ZFAND3: variants seen among roughly 807,000 people sequenced by gnomAD.
ZFAND3 encodes AN1-type zinc finger protein 3.
Under a neutral mutation model 29.6 loss-of-function variants are expected in ZFAND3, and 10 were observed. The ratio of observed to expected loss-of-function variants is 0.34; its 90% CI spans 0.21 to 0.57. ZFAND3 has a LOEUF of 0.57. Ranked by LOEUF, ZFAND3 falls within the 20% of genes least tolerant of loss-of-function variation. ZFAND3 has a pLI of 0.86. For synonymous variants in ZFAND3, 128 were observed against 112.6 expected, an observed-to-expected ratio of 1.14 and a Z score of -0.87; for missense variants, 230 against 304.5, an observed-to-expected ratio of 0.76 and a Z score of 1.82.
chr6:37,895,631 T>A (rs1040670012), intron 1 of ZFAND3, among the ~76,000 whole-genome samples: 2 of 152,078 alleles, frequency 1.3e-5, no homozygotes, highest in African/African-American at 4.8e-5. Flanking sequence ...GGATCACTTT[T>A]GATTGAGTTG....
chr6:37,854,320 T>G (rs769150443), intron 1 of ZFAND3, among the ~76,000 whole-genome samples: 1 of 152,158 alleles, frequency 6.6e-6, no homozygotes, highest in Non-Finnish European at 1.5e-5. Flanking sequence ...GATAAAACAT[T>G]TTCATGAATG....
chr6:37,977,416 G>A (rs1249211778), intron 2 of ZFAND3, among the ~76,000 whole-genome samples: 2 of 152,004 alleles, frequency 1.3e-5, no homozygotes, highest in Admixed American at 6.6e-5. Context: ...ATTCTCGTGC[G>A]TTAGCCTCCC....
chr6:37,951,119 T>C (rs1386291330), intron 2 of ZFAND3, among the ~76,000 whole-genome samples: 2 of 152,202 alleles, frequency 1.3e-5, no homozygotes, highest in Non-Finnish European at 2.9e-5. Context: ...GTTTTATTTT[T>C]ATTTTTTTGT....
intron 5 of ZFAND3, among the ~76,000 whole-genome samples, chr6:38,130,729 GATTTT>G (rs1418298274): frequency 1.3e-5 from 2 of 152,124 alleles, no homozygotes; most frequent in Non-Finnish European, 2.9e-5. Context: ...TTTTGTTAAG[GATTTT>G]AGCATATATG....
intron 2 of ZFAND3, among the ~76,000 whole-genome samples, chr6:38,042,353 C>T (rs1198993568): frequency 3.7e-5 from 5 of 133,646 alleles, no homozygotes; most frequent in Admixed American, 8.4e-5. Context: ...TCGCTCTTGT[C>T]ACTCAGGCTG....
chr6:37,846,903 G>A (rs1428664055), intron 1 of ZFAND3, among the ~76,000 whole-genome samples: 1 of 151,744 alleles, frequency 6.6e-6, no homozygotes, highest in African/African-American at 2.4e-5. Flanking sequence ...AATAGAGATG[G>A]GGTTTCACCA....
intron 2 of ZFAND3, among the ~76,000 whole-genome samples, chr6:38,019,871 G>A (rs780358175): frequency 2.0e-5 from 3 of 152,156 alleles, no homozygotes; most frequent in Non-Finnish European, 2.9e-5. Context: ...ACCGGCACAT[G>A]CCACCACACC....
intron 2 of ZFAND3, among the ~76,000 whole-genome samples, chr6:38,044,408 G>A (rs1479918188): frequency 1.3e-5 from 2 of 151,666 alleles, no homozygotes; most frequent in East Asian, 1.9e-4. Flanking sequence ...GCAGGGTAAC[G>A]TTTTTAGTTT....
intron 2 of ZFAND3, among the ~76,000 whole-genome samples, chr6:38,046,800 G>A (rs1726495391): frequency 6.6e-6 from 1 of 152,128 alleles, no homozygotes; most frequent in African/African-American, 2.4e-5. Context: ...AAATACAGTT[G>A]TTTCAGACAA....
chr6:38,116,857 A>G lies in ZFAND3; in HGVS notation c.529+118A>G, dbSNP rs1455643198. Reference sequence around the variant, plus strand: ...CTTCTGAGTACTGTAAGTTTGCTACAGTAGTGCATGCGATATAGGTTTGGG... The same window carrying G: ...CTTCTGAGTACTGTAAGTTTGCTACGGTAGTGCATGCGATATAGGTTTGGG... On this transcript the variant is annotated intron_variant, in intron 5 of 5. Coordinates refer to ENST00000287218, the MANE Select transcript of ZFAND3 (RefSeq NM_021943.3). 6 of 1,317,698 alleles carry G rather than the reference A, an allele frequency of 4.6e-6. No homozygotes were observed. In the African/African-American group the frequency reaches 8.8e-5, roughly 19 times the overall value. 81.6% of individuals were successfully genotyped at this position (1,317,698 alleles called of 1,614,324 possible).
intron 2 of ZFAND3, among the ~76,000 whole-genome samples, chr6:37,940,877 A>G (rs1761799433): frequency 6.6e-6 from 1 of 152,248 alleles, no homozygotes; most frequent in African/African-American, 2.4e-5. Flanking sequence ...TGAAAGACAG[A>G]TATTTTAGTA....
chr6:38,153,930 CTCTG>C lies in ZFAND3; in HGVS notation c.*1546_*1549del, dbSNP rs1766291362. 1 of 985,312 alleles carries C rather than the reference CTCTG, an allele frequency of 1.0e-6. No individual in the cohort carries two copies. The highest frequency in any genetic ancestry group is 1.2e-6 in the Non-Finnish European group (1 of 829,944). The allele number at this position is 985,312 out of a possible 1,614,324, so 61.0% of individuals were successfully genotyped here. On this transcript the variant is annotated 3_prime_UTR_variant, in exon 6 of 6. Coordinates refer to ENST00000287218, the MANE Select transcript of ZFAND3 (RefSeq NM_021943.3). The stretch of plus-strand genomic sequence containing the variant: ...TTTTATAAAACAACAAATGGTTCAA[CTCTG>C]TCTGCAAATTAACAGCTGAACACCT...
intron 2 of ZFAND3, among the ~76,000 whole-genome samples, chr6:38,036,795 C>G (rs2127453977): frequency 6.6e-6 from 1 of 152,014 alleles, no homozygotes; most frequent in East Asian, 1.9e-4. Flanking sequence ...AAAATTTTAA[C>G]AGAAACAGGG....
intron 1 of ZFAND3, among the ~76,000 whole-genome samples, chr6:37,908,542 T>TAAAAAAAAAAAA (rs70981504): frequency 8.1e-6 from 1 of 124,154 alleles, no homozygotes; most frequent in Non-Finnish European, 1.7e-5. Context: ...AAAAAAAAAT[T>TAAAAAAAAAAAA]AAAAAAAAAA....
chr6:37,881,449 G>T (rs1764892887), intron 1 of ZFAND3, among the ~76,000 whole-genome samples: 2 of 152,140 alleles, frequency 1.3e-5, no homozygotes, highest in Admixed American at 1.3e-4. Flanking sequence ...CATTATTAAT[G>T]CCAGAGATCT....
At position 38,063,365 on chromosome 6, in the gene ZFAND3, C is replaced by T. The variant is rs546004701; in HGVS notation, c.295+1590C>T. On this transcript the variant is annotated intron_variant, in intron 3 of 5. Coordinates refer to ENST00000287218, the MANE Select transcript of ZFAND3 (RefSeq NM_021943.3). Reference sequence around the variant, plus strand: ...CCAAGAGTGATCTCCCACCCCACAGCCCCAGAACATTTGATAATGTCTGGA... The same window carrying T: ...CCAAGAGTGATCTCCCACCCCACAGTCCCAGAACATTTGATAATGTCTGGA... Among the ~76,000 whole-genome samples, 13 of 152,272 alleles carry T rather than the reference C, an allele frequency of 8.5e-5. No individual in the cohort carries two copies. The South Asian group carries it at 1.7e-3, about 19-fold the overall frequency.
intron 5 of ZFAND3, among the ~76,000 whole-genome samples, chr6:38,121,273 G>A (rs1439592151): frequency 6.6e-6 from 1 of 152,238 alleles, no homozygotes; most frequent in Non-Finnish European, 1.5e-5. Context: ...CTACTTGGGA[G>A]GCCAAGGTGG....
At chr6:38,067,950 A>G (rs536494154) in intron 3 of ZFAND3, among the ~76,000 whole-genome samples, 6 of 152,288 alleles carry the variant, frequency 3.9e-5, no homozygotes, top group Non-Finnish European at 7.4e-5. Context: ...TTGGGGGGTC[A>G]TGGCTGGTCT....
At chr6:38,012,100 T>C (rs1763163647) in intron 2 of ZFAND3, among the ~76,000 whole-genome samples, 1 of 152,062 alleles carries the variant, frequency 6.6e-6, no homozygotes, top group Non-Finnish European at 1.5e-5. Context: ...GGGGATGGGG[T>C]GTGGCAGGCA....
Sources: allele counts gnomAD v4.1 joint callset (sites outside exome capture counted in the v4.1 genomes callset), GRCh38; gene constraint gnomAD v4.1.1; transcripts MANE v1.5; gene names NCBI Gene and HGNC (gene_info 2026-07-23, HGNC 2026-07-21).